The following STK35 variants were observed in gnomAD, a reference collection of about 807,000 sequenced individuals.
STK35 encodes the protein serine/threonine-protein kinase 35.
In STK35, 17 loss-of-function variants were observed where a neutral mutation model predicts 37.3. That is an observed-to-expected ratio of 0.46 (90% CI 0.31 to 0.68). STK35 has a LOEUF of 0.68. STK35 is among the 30% of genes least tolerant of loss of function. The pLI is 0.05. For synonymous variants in STK35, 385 were observed against 319.1 expected, an observed-to-expected ratio of 1.21 and a Z score of -2.20; for missense variants, 595 against 746.7, an observed-to-expected ratio of 0.80 and a Z score of 2.37.
chr20:2,116,364 G>A (rs1446444695), intron 2 of STK35, among the ~76,000 whole-genome samples: 1 of 152,162 alleles, frequency 6.6e-6, no homozygotes, highest in Non-Finnish European at 1.5e-5. Flanking sequence ...AGCTTTGGGA[G>A]GTGTGGGTGG....
intron 3 of STK35, among the ~76,000 whole-genome samples, chr20:2,118,060 A>G (rs909526345): frequency 2.6e-5 from 4 of 152,180 alleles, no homozygotes; most frequent in South Asian, 2.1e-4. Context: ...AATAAACACT[A>G]TCTCTGATTG....
intron 1 of STK35, 40 bp from the exon 2 acceptor site, chr20:2,102,728 C>G: frequency 7.3e-7 from 1 of 1,362,528 alleles, no homozygotes. Context: ...CTGGCCTCCC[C>G]GCCTTGGCCT....
intron 2 of STK35, among the ~76,000 whole-genome samples, chr20:2,112,906 C>G (rs531725308): frequency 1.8e-4 from 27 of 152,122 alleles, no homozygotes; most frequent in Non-Finnish European, 3.2e-4. Flanking sequence ...GCTCAAAAAA[C>G]TGAATTTCAT....
intron 3 of STK35, among the ~76,000 whole-genome samples, chr20:2,124,324 A>AG (rs1394615996): frequency 6.6e-6 from 1 of 152,148 alleles, no homozygotes; most frequent in African/African-American, 2.4e-5. Flanking sequence ...GAAGCAAGGA[A>AG]GGTTCTTCCT....
rs183896789 is a variant in STK35 at position 2,144,236 on chromosome 20, G to A, written c.*490G>A. The A allele has an allele frequency of 7.9e-6, 2 of 253,080 alleles. No individual in the cohort carries two copies. Among genetic ancestry groups the A allele is most frequent in the East Asian group, 3.3e-4 (2 of 6,148 alleles). 15.7% of individuals were successfully genotyped at this position (253,080 alleles called of 1,614,324 possible). On this transcript the variant is annotated 3_prime_UTR_variant, in exon 4 of 4. Coordinates refer to ENST00000381482, the MANE Select transcript of STK35 (RefSeq NM_080836.4). ...GCCTGCCTCCCCATAGGGAATCTGG[G>A]GGTTTCTTCTGGAACGGGGCGTGAG...
At position 2,116,938 on chromosome 20, in the gene STK35, G is replaced by A; in HGVS notation, c.1165G>A (p.Ala389Thr). ...CGACTTTGGACTAAGCAAGGTCTGTGCTGGGCTGGCACCCCGAGGCAAAGA... is the reference window on the plus strand; with the variant it reads ...CGACTTTGGACTAAGCAAGGTCTGTACTGGGCTGGCACCCCGAGGCAAAGA... The part of the protein sequence containing the change: ...VADFGLSKVC[A>T]GLAPRGKEGN... The change falls in exon 3 of 4, where the codon GCT becomes ACT. Residue 389 changes from alanine (A) to threonine (T), a missense_variant. Transcript: ENST00000381482. 1 of 1,614,174 alleles carries A rather than the reference G, an allele frequency of 6.2e-7. No individual in the cohort carries two copies. The highest frequency in any genetic ancestry group is 2.2e-5 in the East Asian group (1 of 44,888).
intron 3 of STK35, among the ~76,000 whole-genome samples, chr20:2,130,563 A>G (rs1243184911): frequency 6.6e-6 from 1 of 152,142 alleles, no homozygotes; most frequent in Non-Finnish European, 1.5e-5. Flanking sequence ...GCAGCTCTCC[A>G]GTGTGGGCAT....
At chr20:2,103,642 T>A (rs1415411400) in intron 2 of STK35, among the ~76,000 whole-genome samples, 1 of 152,214 alleles carries the variant, frequency 6.6e-6, no homozygotes. Context: ...TTGCGAGCTA[T>A]GGTTATTAAA....
intron 2 of STK35, among the ~76,000 whole-genome samples, chr20:2,105,009 T>C (rs1048838209): frequency 5.3e-4 from 81 of 151,506 alleles, no homozygotes; most frequent in African/African-American, 1.7e-3. Context: ...GAAAAAAAAA[T>C]AGCCGGACCT....
intron 1 of STK35, 38 bp from the exon 2 acceptor site, chr20:2,102,730 C>A: frequency 7.2e-7 from 1 of 1,379,578 alleles, no homozygotes. Context: ...GGCCTCCCCG[C>A]CTTGGCCTGG....
intron 2 of STK35, among the ~76,000 whole-genome samples, chr20:2,107,127 G>T (rs78897940): frequency 5.3e-5 from 8 of 152,342 alleles, no homozygotes; most frequent in Non-Finnish European, 1.0e-4. Flanking sequence ...GAGAATGCCT[G>T]TCCTGAATGT....
intron 3 of STK35, among the ~76,000 whole-genome samples, chr20:2,141,161 G>T (rs751564577): frequency 6.6e-6 from 1 of 152,146 alleles, no homozygotes; most frequent in Non-Finnish European, 1.5e-5. Context: ...CTGTGTCTAC[G>T]GAAAGCACGG....
chr20:2,144,092 C>CT lies in STK35; in HGVS notation c.*350dup. ...GGGCAAGGCATATGTGTAAATTTCA[C>CT]TTTTACTTTTTATAAGGGGTTAGGG... On this transcript the variant is annotated 3_prime_UTR_variant, in exon 4 of 4. Coordinates refer to ENST00000381482, the MANE Select transcript of STK35 (RefSeq NM_080836.4). 3.0e-6 allele frequency: 1 copy of CT among 331,586 alleles called. No individual in the cohort carries two copies. The highest frequency in any genetic ancestry group is 5.7e-6 in the Non-Finnish European group (1 of 174,048). The allele number at this position is 331,586 out of a possible 1,614,324, so 20.5% of individuals were successfully genotyped here.
At chr20:2,108,805 T>G (rs1985564782) in intron 2 of STK35, among the ~76,000 whole-genome samples, 1 of 152,212 alleles carries the variant, frequency 6.6e-6, no homozygotes, top group Non-Finnish European at 1.5e-5. Flanking sequence ...CTTTTTATAG[T>G]ATAAACTCTC....
At chr20:2,118,742 A>G (rs1985764993) in intron 3 of STK35, among the ~76,000 whole-genome samples, 1 of 152,220 alleles carries the variant, frequency 6.6e-6, no homozygotes, top group East Asian at 1.9e-4. Flanking sequence ...AGCTGTTGTA[A>G]TGTTATAGTG....
intron 3 of STK35, among the ~76,000 whole-genome samples, chr20:2,142,841 A>G (rs1392356514): frequency 6.6e-6 from 1 of 152,148 alleles, no homozygotes; most frequent in African/African-American, 2.4e-5. Context: ...ACAGCGCTAT[A>G]CTTAGCACTG....
chr20:2,130,290 A>G (rs375958460), intron 3 of STK35, among the ~76,000 whole-genome samples: 32 of 152,254 alleles, frequency 2.1e-4, no homozygotes, highest in African/African-American at 7.5e-4. Flanking sequence ...GCGAACAAAG[A>G]GCACCTTCAC....
At chr20:2,130,616 A>G (rs1052461199) in intron 3 of STK35, among the ~76,000 whole-genome samples, 1 of 152,190 alleles carries the variant, frequency 6.6e-6, no homozygotes, top group African/African-American at 2.4e-5. Flanking sequence ...GTTATATAAC[A>G]TCAGAGTCAT....
Position 2,117,376 on chromosome 20 carries a change from T to TA in STK35, c.*2dup. ...AATGGACCAGGTCACATGTGCTGCT[T>TA]AAAATTCAGGGCTAAGCATTTTGGG... The part of the protein sequence containing the change: ...TRMDQVTCAA[*] The change falls in exon 3 of 4, where the codon TAA becomes TAAA. Residue 535 remains the stop codon, a frameshift_variant and stop_retained_variant. Transcript: ENST00000381482. LOFTEE classifies it high-confidence loss of function. The surrounding 1 kb of genome is among the most constrained non-coding windows in gnomAD (Gnocchi z 4.4). 6.3e-7 allele frequency: 1 copy of TA among 1,594,564 alleles called. No homozygotes were observed. Among genetic ancestry groups the TA allele is most frequent in the Non-Finnish European group, 8.6e-7 (1 of 1,167,544 alleles).
Sources: allele counts gnomAD v4.1 joint callset (sites outside exome capture counted in the v4.1 genomes callset), GRCh38; gene constraint gnomAD v4.1.1; non-coding constraint Gnocchi (gnomAD v3.1); transcripts MANE v1.5; gene names NCBI Gene and HGNC (gene_info 2026-07-23, HGNC 2026-07-21).